The following NPEPPS variants were observed in gnomAD, a reference collection of about 807,000 sequenced individuals.
The protein encoded by NPEPPS is puromycin-sensitive aminopeptidase.
NPEPPS carries 14 observed loss-of-function variants against 115.5 expected under a neutral mutation model. The observed-to-expected ratio is 0.12, with a 90% confidence interval of 0.08 to 0.19. The LOEUF is 0.19. Ranked by LOEUF, NPEPPS falls within the 10% of genes least tolerant of loss-of-function variation. The probability of loss-of-function intolerance (pLI) is 1.00; values close to 1 mark genes in which losing one functional copy is unlikely to be tolerated. For missense variants in NPEPPS, 523 were observed against 1,110.8 expected (o/e 0.47, Z 7.52); for synonymous variants, 285 against 390.6 (o/e 0.73, Z 3.19).
intron 14 of NPEPPS, among the ~76,000 whole-genome samples, chr17:47,600,470 G>A (rs1016827947): frequency 6.6e-6 from 1 of 152,120 alleles, no homozygotes; most frequent in African/African-American, 2.4e-5. Flanking sequence ...TCAGATGACA[G>A]TTTTATTATC....
At chr17:47,590,978 G>C (rs1241708037) in intron 10 of NPEPPS, 97 bp downstream of exon 10, 4 of 1,487,640 alleles carry the variant, frequency 2.7e-6, no homozygotes, top group Non-Finnish European at 3.6e-6. Context: ...GAAAATAAGA[G>C]AAAATAGCAT....
At chr17:47,611,517 G>T (rs1441565901) in intron 17 of NPEPPS, among the ~76,000 whole-genome samples, 2 of 150,706 alleles carry the variant, frequency 1.3e-5, no homozygotes, top group African/African-American at 4.9e-5. Flanking sequence ...GTACAGTAGT[G>T]TGATCATAGC....
At chr17:47,568,154 A>T (rs1910949260) in intron 2 of NPEPPS, among the ~76,000 whole-genome samples, 2 of 149,296 alleles carry the variant, frequency 1.3e-5, no homozygotes, top group African/African-American at 2.5e-5. Flanking sequence ...ATCCTACCTT[A>T]TACTTTTTTT....
intron 15 of NPEPPS, 101 bp downstream of exon 15, chr17:47,601,848 AC>A: frequency 5.7e-6 from 7 of 1,230,974 alleles, no homozygotes; most frequent in Non-Finnish European, 6.8e-6. Flanking sequence ...AAAAAAAAAA[AC>A]CTAAACTTTT....
At chr17:47,592,217 A>G (rs1480529639) in intron 11 of NPEPPS, among the ~76,000 whole-genome samples, 157 bp downstream of exon 11, 1 of 152,086 alleles carries the variant, frequency 6.6e-6, no homozygotes, top group African/African-American at 2.4e-5. Flanking sequence ...AATTATTTGA[A>G]GTTGACTACT....
chr17:47,618,274 G>T, intron 19 of NPEPPS, 76 bp from the exon 20 acceptor site: 1 of 912,316 alleles, frequency 1.1e-6, no homozygotes, highest in South Asian at 1.5e-5. Flanking sequence ...CCTTACTGGG[G>T]AAGAAGCTCA....
intron 19 of NPEPPS, among the ~76,000 whole-genome samples, chr17:47,615,640 AC>A (rs1274643437): frequency 3.9e-5 from 6 of 152,324 alleles, no homozygotes; most frequent in South Asian, 4.1e-4. Flanking sequence ...TATTCTGTGA[AC>A]CTGTATACTA....
upstream of NPEPPS, among the ~76,000 whole-genome samples, chr17:47,527,778 A>G (rs1215167150): frequency 1.3e-5 from 2 of 151,810 alleles, no homozygotes; most frequent in African/African-American, 4.8e-5. Context: ...CAAACAAACA[A>G]ATAAAACTAA....
intron 13 of NPEPPS, among the ~76,000 whole-genome samples, chr17:47,596,865 T>G (rs945114805): frequency 6.6e-6 from 1 of 152,138 alleles, no homozygotes; most frequent in Non-Finnish European, 1.5e-5. Context: ...CCGGCCAATG[T>G]AGTAAAACCC....
At chr17:47,615,828 CAA>C (rs990331240) in intron 19 of NPEPPS, among the ~76,000 whole-genome samples, 16 of 152,098 alleles carry the variant, frequency 1.1e-4, no homozygotes, top group Non-Finnish European at 1.9e-4. Context: ...TTATTTAACA[CAA>C]GAGAGTTCAC....
At chr17:47,563,830 A>G (rs5004902) in intron 2 of NPEPPS, among the ~76,000 whole-genome samples, 1 of 152,200 alleles carries the variant, frequency 6.6e-6, no homozygotes, top group South Asian at 2.1e-4. Context: ...TTGGCCTCCA[A>G]AAGTGCTGGT....
intron 19 of NPEPPS, among the ~76,000 whole-genome samples, chr17:47,614,298 TTTGA>T (rs1341380435): frequency 6.6e-6 from 1 of 152,184 alleles, no homozygotes; most frequent in Non-Finnish European, 1.5e-5. Flanking sequence ...AAATGTTCGT[TTTGA>T]TTAACAAGTC....
At chr17:47,573,364 C>T (rs1368458381) in intron 3 of NPEPPS, among the ~76,000 whole-genome samples, 38 of 152,154 alleles carry the variant, frequency 2.5e-4, no homozygotes, top group Admixed American at 8.5e-4. Flanking sequence ...TCTAATGAAG[C>T]TGTTCATTCA....
At chr17:47,605,931 G>A (rs1036034198) in intron 17 of NPEPPS, among the ~76,000 whole-genome samples, 3 of 152,124 alleles carry the variant, frequency 2.0e-5, no homozygotes, top group South Asian at 2.1e-4. Context: ...AGGCTGGAGT[G>A]CAATGGCGCG....
chr17:47,602,801 T>C (rs1202250402), intron 15 of NPEPPS, among the ~76,000 whole-genome samples: 1 of 151,946 alleles, frequency 6.6e-6, no homozygotes, highest in Non-Finnish European at 1.5e-5. Flanking sequence ...CCACCATGCC[T>C]GGCATTGTTT....
At chr17:47,600,997 T>G in intron 14 of NPEPPS, among the ~76,000 whole-genome samples, 1 of 152,072 alleles carries the variant, frequency 6.6e-6, no homozygotes, top group East Asian at 1.9e-4. Flanking sequence ...CTGAGGCGTG[T>G]GGATCCCTTG....
chr17:47,605,872 T>G (rs931790300), intron 17 of NPEPPS, among the ~76,000 whole-genome samples: 2 of 152,150 alleles, frequency 1.3e-5, no homozygotes, highest in East Asian at 3.8e-4. Context: ...TTTTATTTAT[T>G]TATTTATTTA....
At chr17:47,584,464 T>G (rs1413941357) in intron 5 of NPEPPS, among the ~76,000 whole-genome samples, 2 of 152,126 alleles carry the variant, frequency 1.3e-5, no homozygotes, top group Non-Finnish European at 2.9e-5. Context: ...AAAAACCTGC[T>G]GCACCTGAAA....
At chr17:47,575,993 T>C (rs997299225) in intron 3 of NPEPPS, among the ~76,000 whole-genome samples, 16 of 152,124 alleles carry the variant, frequency 1.1e-4, no homozygotes, top group African/African-American at 3.9e-4. Flanking sequence ...AGTTAATCTT[T>C]TTCAAGACGG....
Sources: allele counts gnomAD v4.1 joint callset (sites outside exome capture counted in the v4.1 genomes callset), GRCh38; gene constraint gnomAD v4.1.1; transcripts MANE v1.5; gene names NCBI Gene and HGNC (gene_info 2026-07-23, HGNC 2026-07-21).